Variants in G6PC2 observed in about 807,000 individuals in gnomAD.
G6PC2 encodes glucose-6-phosphatase catalytic subunit 2.
Under a neutral mutation model 35.4 loss-of-function variants are expected in G6PC2, and 41 were observed. That is an observed-to-expected ratio of 1.16 (90% CI 0.90 to 1.50). The LOEUF is 1.50. Among genes scored for constraint, G6PC2 ranks in the 40% most tolerant of loss-of-function variants. The pLI, the probability that G6PC2 is intolerant of heterozygous loss-of-function variation, is 0.00. For missense variants in G6PC2, 441 were observed against 426.5 expected (o/e 1.03, Z -0.30); for synonymous variants, 165 against 153.2 (o/e 1.08, Z -0.57).
intron 3 of G6PC2, 37 bp from the exon 4 acceptor site, chr2:168,906,627 T>G: frequency 2.9e-6 from 3 of 1,019,272 alleles, no homozygotes; most frequent in Non-Finnish European, 4.7e-6. Context: ...ATCCAGTTTC[T>G]TTGCTTTTTA....
chr2:168,905,763 G>T (rs1690695219), intron 3 of G6PC2, among the ~76,000 whole-genome samples: 1 of 152,060 alleles, frequency 6.6e-6, no homozygotes, highest in Middle Eastern at 3.4e-3. Flanking sequence ...AAATTTTACT[G>T]AGTGTGTGCT....
intron 2 of G6PC2, among the ~76,000 whole-genome samples, chr2:168,903,560 G>A (rs1026299565): frequency 1.3e-5 from 2 of 152,152 alleles, no homozygotes. Context: ...ATGTTATCGT[G>A]GTCAATTCCA....
Position 168,907,733 on chromosome 2 carries a change from A to T in G6PC2, c.722A>T (p.Lys241Met), listed in dbSNP as rs1043706366. 6.2e-7 allele frequency: 1 copy of T among 1,614,128 alleles called. No individual in the cohort carries two copies. The change falls in exon 5 of 5, where the codon AAG (lysine) becomes ATG (methionine). Residue 241 changes from lysine to methionine, a missense_variant. Lys to Met is a moderately conservative substitution (Grantham distance 95). Coordinates refer to ENST00000375363, the MANE Select transcript of G6PC2 (RefSeq NM_021176.3). ...DLLWSVPIAK[K>M]WCANPDWIHI... ...CTGTGGTCCGTGCCCATAGCCAAAA[A>T]GTGGTGTGCTAACCCCGACTGGATC...
chr2:168,901,461 C>A lies in G6PC2; in HGVS notation c.130C>A (p.Pro44Thr). The A allele has an allele frequency of 6.2e-7, 1 of 1,601,166 alleles. No homozygotes were observed. The highest frequency in any genetic ancestry group is 1.3e-5 in the African/African-American group (1 of 74,748). Residue 44 changes from proline (P) to threonine (T), a missense_variant, in exon 1 of 5, where the codon CCA becomes ACA. Physicochemically the swap from Pro to Thr is conservative, Grantham distance 38. Transcript: ENST00000375363. ...CAGGAATATCTTTTTCATTTATTTT[C>A]CACTTTGTTTTCAATTTAATCAGAC... ...DPRNIFFIYF[P>T]LCFQFNQTVG...
intron 3 of G6PC2, among the ~76,000 whole-genome samples, chr2:168,905,060 A>G (rs1391670961): frequency 6.6e-6 from 1 of 152,330 alleles, no homozygotes; most frequent in East Asian, 1.9e-4. Context: ...CGAATAGCCA[A>G]TGCTTTTGAT....
rs1484246264 is a variant in G6PC2, at chr2:168,901,549, G to A, written c.218G>A (p.Trp73Ter). ...GATTGGTTAAATCTTATATTTAAAT[G>A]GTAAGATTTCTGTTTTATTTCATTT... ...IGDWLNLIFK[W>*]ILFGHRPYWW... The change falls in exon 1 of 5, where the codon TGG (tryptophan) becomes TAG (stop). Residue 73 changes from tryptophan (W) to a stop codon, truncating the protein, a stop_gained and splice_region_variant. Transcript: ENST00000375363. LOFTEE classifies it high-confidence loss of function. 2.8e-6 allele frequency: 4 copies of A among 1,412,766 alleles called. No homozygotes were observed. The highest frequency in any genetic ancestry group is 4.0e-6 in the Non-Finnish European group (4 of 997,956). 87.5% of individuals were successfully genotyped at this position (1,412,766 alleles called of 1,614,324 possible).
At position 168,907,549 on chromosome 2, in the gene G6PC2, G is replaced by A. The variant is rs368489404; in HGVS notation, c.557-19G>A. The stretch of plus-strand genomic sequence containing the variant: ...TCAAGGGCACACAGTCATTGTCAGT[G>A]TCTCTTTCCAATCCTCAGGCATGCT... On this transcript the variant is annotated intron_variant, in intron 4 of 4. Coordinates refer to ENST00000375363, the MANE Select transcript of G6PC2 (RefSeq NM_021176.3). The A allele has an allele frequency of 1.6e-4, 252 of 1,612,914 alleles. No individual in the cohort carries two copies. Among genetic ancestry groups the A allele is most frequent in the Non-Finnish European group, 2.0e-4 (230 of 1,179,080 alleles).
Position 168,908,286 on chromosome 2 carries a change from A to G in G6PC2, c.*207A>G, listed in dbSNP as rs1417421111. ...GTTACCAATATTTAGATACAAGAAT[A>G]TTTGACATAAAAATCGGAAGTTCTG... On this transcript the variant is annotated 3_prime_UTR_variant, in exon 5 of 5. Transcript: ENST00000375363. 5 of 602,266 alleles carry G rather than the reference A, an allele frequency of 8.3e-6. No individual in the cohort carries two copies. In the Admixed American group the frequency reaches 1.2e-4, roughly 14 times the overall value. 37.3% of individuals were successfully genotyped at this position (602,266 alleles called of 1,614,324 possible).
Position 168,909,964 on chromosome 2 carries a change from A to C in G6PC2, c.*1885A>C, listed in dbSNP as rs1273821044. The stretch of plus-strand genomic sequence containing the variant: ...TAGCTTTCTTTCTAAAAGGCAACTG[A>C]ACTTTCTAAAAGGTAAATAAACTGA... On this transcript the variant is annotated 3_prime_UTR_variant, in exon 5 of 5. Coordinates refer to ENST00000375363, the MANE Select transcript of G6PC2 (RefSeq NM_021176.3). 6.6e-6 allele frequency: 1 copy of C among 152,212 alleles called. No individual in the cohort carries two copies. Among genetic ancestry groups the C allele is most frequent in the Non-Finnish European group, 1.5e-5 (1 of 68,034 alleles). 9.4% of individuals were successfully genotyped at this position (152,212 alleles called of 1,614,324 possible).
rs368901841 is a variant in G6PC2 at position 168,904,213 on chromosome 2, G to A, written c.329-292G>A. Among the ~76,000 whole-genome samples, 11 of 152,134 alleles carry A rather than the reference G, an allele frequency of 7.2e-5. No homozygotes were observed. In the South Asian group the frequency reaches 2.3e-3, roughly 32 times the overall value. ...AATATTGAAGAATGAGTAGGGCTGT[G>A]GCAGATTTGGGTGCAACTGCCTGAG... is the stretch of plus-strand genomic sequence containing the variant. On this transcript the variant is annotated intron_variant, in intron 2 of 4. Coordinates refer to ENST00000375363, the MANE Select transcript of G6PC2 (RefSeq NM_021176.3).
At position 168,906,785 on chromosome 2, in the gene G6PC2, T is replaced by C. The variant is rs756644404; in HGVS notation, c.556+6T>C. On this transcript the variant is annotated splice_donor_region_variant and intron_variant, in intron 4 of 4. Coordinates refer to ENST00000375363, the MANE Select transcript of G6PC2 (RefSeq NM_021176.3). Reference sequence around the variant, plus strand: ...TATTCTTGGAGTAATTGGTGGTAAATATGATCACTTACCTTTAGCTGTGTC... The same window carrying C: ...TATTCTTGGAGTAATTGGTGGTAAACATGATCACTTACCTTTAGCTGTGTC... The C allele has an allele frequency of 4.1e-6, 5 of 1,232,850 alleles. No individual in the cohort carries two copies. The highest frequency in any genetic ancestry group is 4.8e-6 in the Non-Finnish European group (4 of 831,522). The allele number at this position is 1,232,850 out of a possible 1,614,324, so 76.4% of individuals were successfully genotyped here.
chr2:168,906,930 C>T (rs776194437), intron 4 of G6PC2, 151 bp downstream of exon 4: 16 of 690,830 alleles, frequency 2.3e-5, no homozygotes, highest in Non-Finnish European at 3.4e-5. Context: ...CGGGAGCTGA[C>T]GTGGTACAAC....
Position 168,908,335 on chromosome 2 carries a change from A to G in G6PC2, c.*256A>G. 1.8e-6 allele frequency: 1 copy of G among 550,752 alleles called. No homozygotes were observed. Among genetic ancestry groups the G allele is most frequent in the Non-Finnish European group, 3.2e-6 (1 of 308,784 alleles). 34.1% of individuals were successfully genotyped at this position (550,752 alleles called of 1,614,324 possible). A position where few individuals can be genotyped will look rare whatever the true frequency, so the allele number is the denominator to read the frequency against. ...TGTATTTCTTGAAAAATCTGATAGT[A>G]TGACAACACAGAGCCTGCATCCCCA... is the stretch of plus-strand genomic sequence containing the variant. On this transcript the variant is annotated 3_prime_UTR_variant, in exon 5 of 5. Coordinates refer to ENST00000375363, the MANE Select transcript of G6PC2 (RefSeq NM_021176.3).
chr2:168,902,689 A>G, intron 2 of G6PC2, 135 bp downstream of exon 2: 1 of 674,444 alleles, frequency 1.5e-6, no homozygotes, highest in Non-Finnish European at 2.7e-6. Context: ...AAACTTCATA[A>G]CAATCAAAAT....
chr2:168,908,110 C>T lies in G6PC2; in HGVS notation c.*31C>T, dbSNP rs754509276. On this transcript the variant is annotated 3_prime_UTR_variant, in exon 5 of 5. Transcript: ENST00000375363. ...TGCCTAGAGTTAGTGCTCTGTGTCA[C>T]AGATCACCCTTCTCCATCCACCAGT... The T allele has an allele frequency of 1.3e-6, 2 of 1,583,582 alleles. No homozygotes were observed. The highest frequency in any genetic ancestry group is 1.1e-5 in the South Asian group (1 of 90,526).
intron 2 of G6PC2, among the ~76,000 whole-genome samples, chr2:168,903,151 G>A (rs1433249522): frequency 6.6e-6 from 1 of 152,092 alleles, no homozygotes; most frequent in Non-Finnish European, 1.5e-5. Flanking sequence ...TCTTTATTGT[G>A]ATAGTTGATT....
At chr2:168,905,206 A>T (rs1690683461) in intron 3 of G6PC2, among the ~76,000 whole-genome samples, 1 of 152,190 alleles carries the variant, frequency 6.6e-6, no homozygotes, top group South Asian at 2.1e-4. Context: ...TCTAGAACTT[A>T]AAGGTTACTC....
chr2:168,906,537 C>A (rs1242886762), intron 3 of G6PC2, 127 bp from the exon 4 acceptor site: 1 of 699,338 alleles, frequency 1.4e-6, no homozygotes, highest in African/African-American at 1.8e-5. Flanking sequence ...AAAAAAGATT[C>A]TAGAATCATG....
At position 168,908,114 on chromosome 2, in the gene G6PC2, T is replaced by G; in HGVS notation, c.*35T>G. The G allele has an allele frequency of 1.3e-6, 2 of 1,558,276 alleles. No individual in the cohort carries two copies. Among genetic ancestry groups the G allele is most frequent in the Non-Finnish European group, 1.8e-6 (2 of 1,130,948 alleles). Reference sequence around the variant, plus strand: ...TAGAGTTAGTGCTCTGTGTCACAGATCACCCTTCTCCATCCACCAGTAGAG... The same window carrying G: ...TAGAGTTAGTGCTCTGTGTCACAGAGCACCCTTCTCCATCCACCAGTAGAG... On this transcript the variant is annotated 3_prime_UTR_variant, in exon 5 of 5. Transcript: ENST00000375363.
Sources: allele counts gnomAD v4.1 joint callset (sites outside exome capture counted in the v4.1 genomes callset), GRCh38; gene constraint gnomAD v4.1.1; transcripts MANE v1.5; gene names NCBI Gene and HGNC (gene_info 2026-07-23, HGNC 2026-07-21).